The following MAD1L1 variants were observed in gnomAD, a reference collection of about 807,000 sequenced individuals.
The protein encoded by MAD1L1 is mitotic spindle assembly checkpoint protein MAD1.
Under a neutral mutation model 96.9 loss-of-function variants are expected in MAD1L1, and 95 were observed. The observed-to-expected ratio is 0.98, with a 90% CI of 0.83 to 1.16. MAD1L1 has a LOEUF of 1.16. Ranked by LOEUF, MAD1L1 falls within the 50% of genes most tolerant of loss-of-function variation. MAD1L1 has a pLI of 0.00. For missense variants in MAD1L1, 1,007 were observed against 954.4 expected, an observed-to-expected ratio of 1.06 and a Z score of -0.73; for synonymous variants, 473 against 396.6, an observed-to-expected ratio of 1.19 and a Z score of -2.29.
In MAD1L1 at chr7:1,964,529, T is replaced by C. The variant is rs559758015; in HGVS notation, c.1506-6810A>G. The stretch of plus-strand genomic sequence containing the variant: ...AAAGAGAACAAACGAATAAACAAGT[T>C]GGGGGGATGGTGCTCAAAAGCTCAG... On this transcript the variant is annotated intron_variant, in intron 15 of 18. Transcript: ENST00000265854. Among the ~76,000 whole-genome samples, 6 of 152,028 alleles carry C rather than the reference T, an allele frequency of 3.9e-5. No homozygotes were observed. In the South Asian group the frequency reaches 8.3e-4, roughly 21 times the overall value.
intron 11 of MAD1L1, among the ~76,000 whole-genome samples, chr7:2,131,094 G>A (rs544328317): frequency 4.7e-4 from 71 of 152,278 alleles, no homozygotes; most frequent in African/African-American, 1.6e-3. Flanking sequence ...AGATTCGGAC[G>A]CTTTGGAGTA....
At chr7:2,205,365 T>C (rs549387208) in intron 10 of MAD1L1, among the ~76,000 whole-genome samples, 2 of 152,310 alleles carry the variant, frequency 1.3e-5, no homozygotes, top group East Asian at 3.9e-4. Context: ...TAACGGCTCC[T>C]ACAGACATCA....
At chr7:1,956,443 G>A (rs1200476870) in intron 16 of MAD1L1, among the ~76,000 whole-genome samples, 3 of 152,138 alleles carry the variant, frequency 2.0e-5, no homozygotes, top group African/African-American at 4.8e-5. Context: ...GGCTAGGCTC[G>A]AGGTCACCAT....
chr7:1,975,721 A>G (rs1055937309), intron 15 of MAD1L1, among the ~76,000 whole-genome samples: 4 of 152,126 alleles, frequency 2.6e-5, no homozygotes, highest in Admixed American at 1.3e-4. Flanking sequence ...GAGATCACAG[A>G]GTGTCCTGAA....
intron 13 of MAD1L1, among the ~76,000 whole-genome samples, chr7:2,012,590 G>T (rs139059991): frequency 6.6e-6 from 1 of 152,182 alleles, no homozygotes; most frequent in East Asian, 1.9e-4. Flanking sequence ...AGCCAGGAGC[G>T]GGAGGAAGGA....
chr7:2,020,962 T>C (rs1442030980), intron 12 of MAD1L1, among the ~76,000 whole-genome samples: 1 of 150,058 alleles, frequency 6.7e-6, no homozygotes. Flanking sequence ...AGTATAGGAA[T>C]AAAAATAAAG....
intron 11 of MAD1L1, among the ~76,000 whole-genome samples, chr7:2,102,613 C>T (rs950308059): frequency 1.9e-4 from 29 of 152,064 alleles, no homozygotes; most frequent in Admixed American, 5.2e-4. Flanking sequence ...GGTGACACCA[C>T]GGTCTCCACC....
At chr7:2,038,926 A>C (rs1352485980) in intron 12 of MAD1L1, among the ~76,000 whole-genome samples, 1 of 152,214 alleles carries the variant, frequency 6.6e-6, no homozygotes, top group East Asian at 1.9e-4. Context: ...ATCTGGCACA[A>C]CTACAGCACA....
chr7:1,894,886 G>A lies in MAD1L1; in HGVS notation c.1998+3314C>T, dbSNP rs148518348. ...AGCCTAGGGAGAAATGGAGCAAGAA[G>A]CATCTTTAAGAACCAGGCACCCAGC... On this transcript the variant is annotated intron_variant, in intron 18 of 18. Transcript: ENST00000265854. Among the ~76,000 whole-genome samples, 1,047 of 152,176 alleles carry A rather than the reference G, an allele frequency of 6.9e-3. 11 individuals are homozygous for A. The highest frequency in any genetic ancestry group is 0.023 in the African/African-American group (973 of 41,506).
Position 2,230,074 on chromosome 7 carries a change from G to A in MAD1L1, c.60C>T (p.Phe20=). The change falls in exon 3 of 19, where the codon TTC becomes TTT. Residue 20 remains phenylalanine, a synonymous_variant. Transcript: ENST00000265854. ...VLSTLRSLNN[F]ISQRVEGGSG... ...AGCCTCCCTCCACACGCTGAGAGAT[G>A]AAGTTGTTCAAAGATCTCAGGGTGG... The A allele has an allele frequency of 6.2e-7, 1 of 1,612,598 alleles. No individual in the cohort carries two copies. The highest frequency in any genetic ancestry group is 8.5e-7 in the Non-Finnish European group (1 of 1,179,346).
intron 18 of MAD1L1, among the ~76,000 whole-genome samples, chr7:1,826,653 G>A (rs1384153772): frequency 2.6e-5 from 4 of 152,258 alleles, no homozygotes; most frequent in Non-Finnish European, 4.4e-5. Context: ...TGCCGCGTGA[G>A]CACCGCGCTG....
intron 18 of MAD1L1, among the ~76,000 whole-genome samples, chr7:1,888,200 G>A (rs1266794817): frequency 2.6e-5 from 4 of 151,732 alleles, no homozygotes; most frequent in African/African-American, 9.7e-5. Flanking sequence ...GCATGTATGT[G>A]GCTGCCTGTG....
At chr7:1,958,923 T>A (rs1250847556) in intron 15 of MAD1L1, among the ~76,000 whole-genome samples, 1 of 152,196 alleles carries the variant, frequency 6.6e-6, no homozygotes, top group Non-Finnish European at 1.5e-5. Context: ...AAAAGTTTAA[T>A]GTCCTCGAGG....
rs1415051367 is a variant in MAD1L1, at chr7:1,816,303, C to T, written c.1999-75G>A. On this transcript the variant is annotated intron_variant, in intron 18 of 18. Transcript: ENST00000265854. ...TCTCCCTCTCCCCTCCCTCCCTACA[C>T]AGCCCCTCCAGCCATGGGGGCTTCC... 7 of 1,443,302 alleles carry T rather than the reference C, an allele frequency of 4.8e-6. No individual in the cohort carries two copies. In the East Asian group the frequency reaches 1.6e-4, roughly 33 times the overall value. 89.4% of individuals were successfully genotyped at this position (1,443,302 alleles called of 1,614,324 possible). A position where few individuals can be genotyped will look rare whatever the true frequency, so the allele number is the denominator to read the frequency against.
chr7:2,138,330 G>T (rs767396835), intron 11 of MAD1L1, among the ~76,000 whole-genome samples: 1 of 152,234 alleles, frequency 6.6e-6, no homozygotes, highest in Non-Finnish European at 1.5e-5. Context: ...GCGCTCAGCA[G>T]GCTGGCGGTG....
chr7:2,123,263 C>G (rs1183321210), intron 11 of MAD1L1, among the ~76,000 whole-genome samples: 2 of 148,768 alleles, frequency 1.3e-5, no homozygotes, highest in Non-Finnish European at 3.0e-5. Flanking sequence ...CGAGATCGGG[C>G]CACTGCTCTC....
At chr7:2,150,280 C>T (rs1029593258) in intron 10 of MAD1L1, among the ~76,000 whole-genome samples, 1 of 152,110 alleles carries the variant, frequency 6.6e-6, no homozygotes, top group Non-Finnish European at 1.5e-5. Context: ...CTCCTCTCTG[C>T]GAGTCAGCCA....
intron 10 of MAD1L1, among the ~76,000 whole-genome samples, chr7:2,181,032 T>G (rs190641016): frequency 6.6e-6 from 1 of 152,398 alleles, no homozygotes; most frequent in East Asian, 1.9e-4. Context: ...TCTTCAGGTT[T>G]GCTGATTCTT....
chr7:1,953,385 C>T (rs1157023319), intron 16 of MAD1L1, among the ~76,000 whole-genome samples: 1 of 152,218 alleles, frequency 6.6e-6, no homozygotes, highest in African/African-American at 2.4e-5. Context: ...ACAAACCCCA[C>T]CCAGGCCCCC....
Sources: gnomAD v4.1 joint callset for allele counts (sites outside exome capture counted in the v4.1 genomes callset) on GRCh38, gnomAD v4.1.1 for gene constraint, MANE v1.5 for transcripts, NCBI Gene and HGNC (gene_info 2026-07-23, HGNC 2026-07-21) for gene names.